The following FBXW11 variants were observed in gnomAD, a reference collection of about 807,000 sequenced individuals.
FBXW11 encodes the protein F-box and WD repeat domain containing 11.
In FBXW11, 19 loss-of-function variants were observed where a neutral mutation model predicts 77.6. That is an observed-to-expected ratio of 0.24 (90% CI 0.17 to 0.36). The LOEUF (loss-of-function observed/expected upper bound fraction) is 0.36. FBXW11 is among the 10% of genes least tolerant of loss of function. The pLI is 1.00. For synonymous variants in FBXW11, 235 were observed against 249.4 expected, an observed-to-expected ratio of 0.94 and a Z score of 0.54; for missense variants, 334 against 704.2, an observed-to-expected ratio of 0.47 and a Z score of 5.95.
chr5:171,920,953 T>C (rs1335277732), intron 2 of FBXW11, among the ~76,000 whole-genome samples: 2 of 152,128 alleles, frequency 1.3e-5, no homozygotes, highest in Admixed American at 6.5e-5. Flanking sequence ...GTGGACCCCA[T>C]TGCATCATCA....
At chr5:171,940,661 A>C (rs1762703784) in intron 2 of FBXW11, among the ~76,000 whole-genome samples, 1 of 152,184 alleles carries the variant, frequency 6.6e-6, no homozygotes, top group African/African-American at 2.4e-5. Context: ...AGGCCAAGGC[A>C]GGCGAATCAA....
intron 1 of FBXW11, among the ~76,000 whole-genome samples, chr5:171,988,672 C>T (rs1052601760): frequency 1.3e-5 from 2 of 151,688 alleles, no homozygotes; most frequent in Admixed American, 6.6e-5. Context: ...TAGCAAAATC[C>T]TGTCTCTAAT....
chr5:171,934,676 CAAAAA>C (rs34077162), intron 2 of FBXW11, among the ~76,000 whole-genome samples: 1 of 69,194 alleles, frequency 1.4e-5, no homozygotes, highest in Non-Finnish European at 2.9e-5. Context: ...GACCCTGTCT[CAAAAA>C]AAAAAAAAAA....
Position 171,875,485 on chromosome 5 carries a change from T to G in FBXW11, c.1221+800A>C, listed in dbSNP as rs529168606. Among the ~76,000 whole-genome samples the G allele has an allele frequency of 1.3e-4, 20 of 152,242 alleles. No individual in the cohort carries two copies. The East Asian group carries it at 3.9e-3, about 29-fold the overall frequency. Reference sequence around the variant, plus strand: ...GCTGACTGCTAATGAGTGTGAGGGTTTTAGAGCGCGATGAAAATGTTCTGG... The same window carrying G: ...GCTGACTGCTAATGAGTGTGAGGGTGTTAGAGCGCGATGAAAATGTTCTGG... On this transcript the variant is annotated intron_variant, in intron 9 of 13. Coordinates refer to ENST00000517395, the MANE Select transcript of FBXW11 (RefSeq NM_001378974.1).
chr5:171,952,376 A>G (rs1161313131), intron 2 of FBXW11, among the ~76,000 whole-genome samples: 1 of 133,250 alleles, frequency 7.5e-6, no homozygotes, highest in Admixed American at 7.9e-5. Context: ...ATATATACAT[A>G]CACATATATG....
At chr5:171,908,296 T>C (rs1419725208) in intron 4 of FBXW11, among the ~76,000 whole-genome samples, 1 of 152,158 alleles carries the variant, frequency 6.6e-6, no homozygotes, top group East Asian at 1.9e-4. Context: ...TCCCTCATAA[T>C]TAAAAGTGAG....
At chr5:171,956,599 C>T (rs1404688440) in intron 2 of FBXW11, among the ~76,000 whole-genome samples, 3 of 152,328 alleles carry the variant, frequency 2.0e-5, no homozygotes, top group African/African-American at 7.2e-5. Flanking sequence ...GGCTCCCCAG[C>T]TCCATTTAAA....
Position 171,887,512 on chromosome 5 carries a change from C to G in FBXW11, c.852+3955G>C, listed in dbSNP as rs141589826. Reference sequence around the variant, plus strand: ...AATCTATCTCTCCAGTTGATTATAACTAAACACTCCTGATAAAAACTAGTT... The same window carrying G: ...AATCTATCTCTCCAGTTGATTATAAGTAAACACTCCTGATAAAAACTAGTT... On this transcript the variant is annotated intron_variant, in intron 7 of 13. Coordinates refer to ENST00000517395, the MANE Select transcript of FBXW11 (RefSeq NM_001378974.1). Among the ~76,000 whole-genome samples, 9 of 151,994 alleles carry G rather than the reference C, an allele frequency of 5.9e-5. No homozygotes were observed. The East Asian group carries it at 1.7e-3, about 29-fold the overall frequency.
intron 4 of FBXW11, among the ~76,000 whole-genome samples, chr5:171,906,371 A>G (rs547541889): frequency 6.6e-6 from 1 of 152,354 alleles, no homozygotes; most frequent in African/African-American, 2.4e-5. Context: ...AAGGTTTCAG[A>G]CAGAAATGAA....
chr5:171,974,947 A>G (rs1002637048), intron 1 of FBXW11, among the ~76,000 whole-genome samples: 1 of 152,152 alleles, frequency 6.6e-6, no homozygotes, highest in African/African-American at 2.4e-5. Context: ...GGCACGCGCC[A>G]CCACGCCCGG....
chr5:171,891,569 G>A lies in FBXW11; in HGVS notation c.750C>T (p.Asn250=). The part of the protein sequence containing the change: ...IESNWRCGRH[N]LQRIQCRSEN... ...CAGAGCGGCACTGAATCCTCTGCAA[G>A]TTGTGTCGTCCACACCGCCAGTTAG... is the stretch of plus-strand genomic sequence containing the variant. Residue 250 remains asparagine (N), a synonymous_variant, in exon 7 of 14, where the codon AAC becomes AAT. Transcript: ENST00000517395. 1 of 1,611,118 alleles carries A rather than the reference G, an allele frequency of 6.2e-7. No individual in the cohort carries two copies. Among genetic ancestry groups the A allele is most frequent in the Non-Finnish European group, 8.5e-7 (1 of 1,178,894 alleles).
chr5:171,949,362 T>C (rs1378178125), intron 2 of FBXW11, among the ~76,000 whole-genome samples: 2 of 152,084 alleles, frequency 1.3e-5, no homozygotes, highest in African/African-American at 4.8e-5. Context: ...TGATAGGTCA[T>C]TCAGAAAGAA....
chr5:171,966,396 G>A (rs987025517), intron 1 of FBXW11, among the ~76,000 whole-genome samples: 3 of 152,036 alleles, frequency 2.0e-5, no homozygotes, highest in African/African-American at 7.3e-5. Context: ...ATTCAAAAAT[G>A]TCACCAAGTT....
rs180907106 is a variant in FBXW11 at position 171,870,206 on chromosome 5, G to C, written c.1452-399C>G. ...CTTTCTCCAAATTAAGCAAATGCTG[G>C]AAGTTAGTAATAGGAGTACAAACAG... On this transcript the variant is annotated intron_variant, in intron 11 of 13. Coordinates refer to ENST00000517395, the MANE Select transcript of FBXW11 (RefSeq NM_001378974.1). Among the ~76,000 whole-genome samples, 231 of 152,256 alleles carry C rather than the reference G, an allele frequency of 1.5e-3. 1 individual carries two copies. The highest frequency in any genetic ancestry group is 5.2e-3 in the African/African-American group (218 of 41,548).
intron 2 of FBXW11, among the ~76,000 whole-genome samples, chr5:171,919,801 A>G (rs961099344): frequency 1.7e-4 from 26 of 152,206 alleles, no homozygotes; most frequent in African/African-American, 6.3e-4. Flanking sequence ...TATATATTAT[A>G]GCTATTTGCA....
At chr5:171,972,880 G>GA (rs1406869816) in intron 1 of FBXW11, among the ~76,000 whole-genome samples, 22 of 152,286 alleles carry the variant, frequency 1.4e-4, no homozygotes, top group Middle Eastern at 3.4e-3. Flanking sequence ...TTAGTGCCAT[G>GA]AAATGTGTCA....
rs1306629006 is a variant in FBXW11, at chr5:171,862,248, G to C, written c.*1879C>G. On this transcript the variant is annotated 3_prime_UTR_variant, in exon 14 of 14. Transcript: ENST00000517395. ...GCTTACAACATCCACCTTATGAATG[G>C]AGGTTTATTGTTTACACTTTGAGAC... is the stretch of plus-strand genomic sequence containing the variant. 2 of 152,548 alleles carry C rather than the reference G, an allele frequency of 1.3e-5. No homozygotes were observed. Among genetic ancestry groups the C allele is most frequent in the African/African-American group, 4.8e-5 (2 of 41,420 alleles). 9.4% of individuals were successfully genotyped at this position (152,548 alleles called of 1,614,324 possible).
At chr5:171,930,753 A>T (rs1561695020) in intron 2 of FBXW11, among the ~76,000 whole-genome samples, 1 of 51,278 alleles carries the variant, frequency 2.0e-5, no homozygotes, top group Non-Finnish European at 4.3e-5. Flanking sequence ...AAAATAAAAA[A>T]TAAAAAAATA....
intron 2 of FBXW11, among the ~76,000 whole-genome samples, chr5:171,953,721 A>G (rs1205910490): frequency 6.6e-6 from 1 of 152,158 alleles, no homozygotes; most frequent in Non-Finnish European, 1.5e-5. Flanking sequence ...GGGGTTCGGG[A>G]AAATAAAGTA....
Sources: gnomAD v4.1 joint callset for allele counts (sites outside exome capture counted in the v4.1 genomes callset) on GRCh38, gnomAD v4.1.1 for gene constraint, MANE v1.5 for transcripts, NCBI Gene and HGNC (gene_info 2026-07-23, HGNC 2026-07-21) for gene names.